ARHGAP39: variants seen among roughly 807,000 people sequenced by gnomAD.
ARHGAP39 encodes the protein Rho GTPase activating protein 39.
Under a neutral mutation model 106.9 loss-of-function variants are expected in ARHGAP39, and 44 were observed. The observed-to-expected ratio is 0.41, with a 90% confidence interval of 0.32 to 0.53. The LOEUF (loss-of-function observed/expected upper bound fraction) is 0.53. Ranked by LOEUF, ARHGAP39 falls within the 20% of genes least tolerant of loss-of-function variation. The probability of loss-of-function intolerance (pLI) is 0.21; values close to 1 mark genes in which losing one functional copy is unlikely to be tolerated. For synonymous variants in ARHGAP39, 768 were observed against 693.2 expected (o/e 1.11, Z -1.69); for missense variants, 1,496 against 1,577.3 (o/e 0.95, Z 0.87).
the ARHGAP39 span, among the ~76,000 whole-genome samples, chr8:144,692,467 A>G: frequency 6.6e-6 from 1 of 152,232 alleles, no homozygotes; most frequent in African/African-American, 2.4e-5. Context: ...GGACCAAAGC[A>G]GGTCTCACAG....
At chr8:144,695,095 G>A in the ARHGAP39 span, among the ~76,000 whole-genome samples, 1 of 143,504 alleles carries the variant, frequency 7.0e-6, no homozygotes, top group Non-Finnish European at 1.5e-5. Context: ...TTATTTTTGA[G>A]CTGGAGTCTC....
At chr8:144,553,100 C>T (rs1817780008) in intron 4 of ARHGAP39, among the ~76,000 whole-genome samples, 1 of 152,200 alleles carries the variant, frequency 6.6e-6, no homozygotes, top group Admixed American at 6.5e-5. Context: ...CCTAGGCCTC[C>T]AGCATGTCCA....
Position 144,542,646 on chromosome 8 carries a change from G to A in ARHGAP39, c.2521+2603C>T, listed in dbSNP as rs555969269. On this transcript the variant is annotated intron_variant, in intron 6 of 11. Transcript: ENST00000377307. ...CTACCCGCCCCCCCACCCCCACTTC[G>A]ACGGAGTCTTGGCCGGGCACAATGG... Among the ~76,000 whole-genome samples, 7 of 77,062 alleles carry A rather than the reference G, an allele frequency of 9.1e-5. No homozygotes were observed. In the South Asian group the frequency reaches 1.8e-3, roughly 19 times the overall value. 50.6% of individuals were successfully genotyped at this position (77,062 alleles called of 152,430 possible). A position where few individuals can be genotyped will look rare whatever the true frequency, so the allele number is the denominator to read the frequency against.
intron 1 of ARHGAP39, among the ~76,000 whole-genome samples, chr8:144,669,900 C>A (rs943707096): frequency 2.0e-5 from 3 of 152,192 alleles, no homozygotes; most frequent in Non-Finnish European, 4.4e-5. Flanking sequence ...AACATTGGAA[C>A]CTTATGTATC....
chr8:144,530,757 T>C lies in ARHGAP39; in HGVS notation c.3095A>G (p.His1032Arg). 4 of 1,610,774 alleles carry C rather than the reference T, an allele frequency of 2.5e-6. No homozygotes were observed. In the East Asian group the frequency reaches 6.7e-5, roughly 27 times the overall value. ...DSPEAAVAVV[H>R]ALPRINRMVL... The stretch of plus-strand genomic sequence containing the variant: ...CATGCGGTTGATGCGGGGCAGCGCG[T>C]GCACCACGGCCACCGCCGCCTCGGG... Residue 1032 changes from histidine (H) to arginine (R), a missense_variant, in exon 11 of 12, where the codon CAC becomes CGC. By Grantham distance (29) the His-to-Arg change is conservative. Transcript: ENST00000377307.
intron 2 of ARHGAP39, among the ~76,000 whole-genome samples, chr8:144,595,059 G>A (rs937091846): frequency 7.2e-5 from 11 of 152,210 alleles, no homozygotes; most frequent in Non-Finnish European, 1.2e-4. Flanking sequence ...ACCCCACAGA[G>A]TTACCACCTG....
chr8:144,681,748 A>G (rs1263281511), intron 1 of ARHGAP39, among the ~76,000 whole-genome samples: 1 of 152,220 alleles, frequency 6.6e-6, no homozygotes, highest in Non-Finnish European at 1.5e-5. Context: ...TTGTGTTACC[A>G]CTATCTAAAC....
At chr8:144,661,096 G>A (rs1821810206) in intron 1 of ARHGAP39, among the ~76,000 whole-genome samples, 1 of 152,178 alleles carries the variant, frequency 6.6e-6, no homozygotes, top group African/African-American at 2.4e-5. Context: ...CAGTCTGGCT[G>A]CAGACGGCCC....
chr8:144,622,907 C>T (rs376714668), intron 1 of ARHGAP39, among the ~76,000 whole-genome samples: 49 of 152,290 alleles, frequency 3.2e-4, no homozygotes, highest in African/African-American at 7.9e-4. Flanking sequence ...CAGTTACTGC[C>T]GGGGGACGCC....
intron 1 of ARHGAP39, among the ~76,000 whole-genome samples, chr8:144,613,603 A>G (rs1820551453): frequency 6.6e-6 from 1 of 151,996 alleles, no homozygotes; most frequent in South Asian, 2.1e-4. Flanking sequence ...CTTCATACAC[A>G]AAAGGCCTTG....
intron 1 of ARHGAP39, among the ~76,000 whole-genome samples, chr8:144,632,513 C>T (rs73716233): frequency 0.012 from 1,902 of 152,320 alleles, 43 homozygotes; most frequent in African/African-American, 0.041. Flanking sequence ...ACTGGCGAAT[C>T]GAGGGGTACA....
intron 3 of ARHGAP39, among the ~76,000 whole-genome samples, chr8:144,575,286 C>A (rs961381010): frequency 2.0e-5 from 3 of 152,160 alleles, no homozygotes; most frequent in African/African-American, 7.2e-5. Context: ...TTTAAAACTT[C>A]TTCTTTCATC....
upstream of ARHGAP39, among the ~76,000 whole-genome samples, chr8:144,686,175 T>C (rs941971422): frequency 6.6e-6 from 1 of 152,118 alleles, no homozygotes; most frequent in African/African-American, 2.4e-5. Flanking sequence ...TCAAACCACG[T>C]TGGGCTTCCC....
intron 2 of ARHGAP39, among the ~76,000 whole-genome samples, chr8:144,603,668 C>T (rs925674309): frequency 2.1e-5 from 3 of 143,052 alleles, no homozygotes; most frequent in African/African-American, 5.3e-5. Flanking sequence ...CCAGCCTGGG[C>T]GACAAAGCGA....
At chr8:144,676,886 C>T (rs979634162) in intron 1 of ARHGAP39, among the ~76,000 whole-genome samples, 27 of 152,384 alleles carry the variant, frequency 1.8e-4, no homozygotes, top group Admixed American at 3.3e-4. Flanking sequence ...GCGCCGAGAG[C>T]AAGCGAGGGC....
rs568205671 is a variant in ARHGAP39 at position 144,542,437 on chromosome 8, A to T, written c.2521+2812T>A. Among the ~76,000 whole-genome samples, 226 of 152,234 alleles carry T rather than the reference A, an allele frequency of 1.5e-3. 1 individual carries two copies. Among genetic ancestry groups the T allele is most frequent in the Middle Eastern group, 3.4e-3 (1 of 292 alleles). ...GCAGGCAGGGTGCTCAGGGCGACGC[A>T]CCAGGCTCAGCTCTGCTCCTCACCG... is the stretch of plus-strand genomic sequence containing the variant. On this transcript the variant is annotated intron_variant, in intron 6 of 11. Coordinates refer to ENST00000377307, the MANE Select transcript of ARHGAP39 (RefSeq NM_025251.3).
intron 1 of ARHGAP39, among the ~76,000 whole-genome samples, chr8:144,616,038 C>T (rs895528630): frequency 1.3e-5 from 2 of 152,240 alleles, no homozygotes; most frequent in Non-Finnish European, 2.9e-5. Flanking sequence ...GTCAGGCACA[C>T]CCCACACGGA....
At chr8:144,626,994 T>G (rs987141067) in intron 1 of ARHGAP39, among the ~76,000 whole-genome samples, 2 of 152,182 alleles carry the variant, frequency 1.3e-5, no homozygotes, top group South Asian at 4.1e-4. Flanking sequence ...TTGTCCCCCC[T>G]GGGGAGAGGA....
chr8:144,688,767 C>T (rs143850660), upstream of ARHGAP39, among the ~76,000 whole-genome samples: 93 of 152,214 alleles, frequency 6.1e-4, no homozygotes, highest in East Asian at 0.016. Flanking sequence ...ATAGCACGCT[C>T]GTGGACCAGG....
Sources: allele counts gnomAD v4.1 joint callset (sites outside exome capture counted in the v4.1 genomes callset), GRCh38; gene constraint gnomAD v4.1.1; transcripts MANE v1.5; gene names NCBI Gene and HGNC (gene_info 2026-07-23, HGNC 2026-07-21).